The following MAP3K15 variants were observed in gnomAD, a reference collection of about 807,000 sequenced individuals.
MAP3K15 encodes the protein MAPK/ERK kinase kinase 15.
In MAP3K15, 124 loss-of-function variants were observed where a neutral mutation model predicts 99.5. The observed-to-expected ratio is 1.25, with a 90% CI of 1.08 to 1.45. MAP3K15 has a LOEUF of 1.45. Ranked by LOEUF, MAP3K15 falls within the 40% of genes most tolerant of loss-of-function variation. The probability of loss-of-function intolerance (pLI) is 0.00; values close to 1 mark genes in which losing one functional copy is unlikely to be tolerated. For missense variants in MAP3K15, 1,242 were observed against 1,079.7 expected (o/e 1.15, Z -2.11); for synonymous variants, 494 against 439.6 (o/e 1.12, Z -1.55).
At chrX:19,421,558 T>C (rs2063785167) in intron 9 of MAP3K15, among the ~76,000 whole-genome samples, 1 of 110,543 alleles carries the variant, frequency 9.0e-6, no homozygotes, top group Admixed American at 9.6e-5. Flanking sequence ...GAACTTTCCA[T>C]GCTCCTGGGT....
intron 6 of MAP3K15, among the ~76,000 whole-genome samples, chrX:19,432,191 T>C (rs1351244034): frequency 1.8e-5 from 2 of 110,325 alleles, no homozygotes; most frequent in Admixed American, 9.8e-5. Context: ...AGGAAACCTA[T>C]ATAATAAAAA....
At position 19,443,372 on chromosome X, in the gene MAP3K15, G is replaced by A. The variant is rs755519331; in HGVS notation, c.996-11764C>T. Reference sequence around the variant, plus strand: ...TTTACTGAGTGCCTACTCTGTGGGTGGCACAATGTTACTAGGCACTGGCTA... The same window carrying A: ...TTTACTGAGTGCCTACTCTGTGGGTAGCACAATGTTACTAGGCACTGGCTA... On this transcript the variant is annotated intron_variant, in intron 6 of 28. Transcript: ENST00000338883. 4.9e-4 allele frequency among the ~76,000 whole-genome samples: 55 copies of A among 111,506 alleles called. 1 individual carries two copies. Among genetic ancestry groups the A allele is most frequent in the Non-Finnish European group, 8.7e-4 (46 of 53,112 alleles).
Position 19,385,812 on chromosome X carries a change from G to GA in MAP3K15, c.2432-5536dup, listed in dbSNP as rs754905425. Among the ~76,000 whole-genome samples the GA allele has an allele frequency of 6.0e-3, 657 of 109,110 alleles. 3 individuals carry two copies. The highest frequency in any genetic ancestry group is 0.02 in the African/African-American group (613 of 29,967). The allele number at this position is 109,110 out of a possible 115,157, so 94.7% of individuals were successfully genotyped here. A position where few individuals can be genotyped will look rare whatever the true frequency, so the allele number is the denominator to read the frequency against. The stretch of plus-strand genomic sequence containing the variant: ...ACTACATCAAGAAGAAGCGCTGCTG[G>GA]AAAAAAAAAGCTGCCTGAATAAGAG... On this transcript the variant is annotated intron_variant, in intron 18 of 28. Transcript: ENST00000338883.
At chrX:19,431,743 C>A in intron 6 of MAP3K15, 135 bp from the exon 7 acceptor site, 1 of 439,450 alleles carries the variant, frequency 2.3e-6, no homozygotes, top group Non-Finnish European at 3.7e-6. Flanking sequence ...GTCAGGAGTT[C>A]AACACCAGCC....
intron 9 of MAP3K15, among the ~76,000 whole-genome samples, chrX:19,417,586 T>C (rs750046201): frequency 5.4e-4 from 60 of 111,963 alleles, no homozygotes; most frequent in African/African-American, 1.7e-3. Flanking sequence ...CAAGGAGGCC[T>C]GCCTGCCTCT....
At chrX:19,377,826 G>A (rs1017827442) in intron 19 of MAP3K15, among the ~76,000 whole-genome samples, 1 of 112,406 alleles carries the variant, frequency 8.9e-6, no homozygotes, top group African/African-American at 3.2e-5. Flanking sequence ...TCAAAGTGCT[G>A]AGGACGGTCA....
intron 1 of MAP3K15, among the ~76,000 whole-genome samples, chrX:19,505,434 T>C (rs2064469818): frequency 1.8e-5 from 2 of 112,285 alleles, no homozygotes; most frequent in Admixed American, 9.5e-5. Context: ...AGCTTCTCTC[T>C]TGCACATGCA....
chrX:19,410,184 A>G (rs1034427476), intron 11 of MAP3K15, among the ~76,000 whole-genome samples: 2 of 112,448 alleles, frequency 1.8e-5, no homozygotes, highest in Non-Finnish European at 3.7e-5. Flanking sequence ...TCCAGTTTAA[A>G]TGATGTAAAT....
chrX:19,435,057 A>C (rs1185830848), intron 6 of MAP3K15, among the ~76,000 whole-genome samples: 1 of 111,916 alleles, frequency 8.9e-6, no homozygotes, highest in Non-Finnish European at 1.9e-5. Context: ...ACAGATACCA[A>C]CTCAAATTTA....
intron 16 of MAP3K15, among the ~76,000 whole-genome samples, chrX:19,393,789 T>TTTTC (rs2063546024): frequency 1.1e-5 from 1 of 87,479 alleles, no homozygotes; most frequent in African/African-American, 5.2e-5. Context: ...TTTTTTTTTT[T>TTTTC]GAAGACGGAG....
chrX:19,414,802 A>G (rs1364537519), intron 10 of MAP3K15, among the ~76,000 whole-genome samples: 5 of 111,710 alleles, frequency 4.5e-5, no homozygotes, highest in African/African-American at 1.6e-4. Context: ...GTCTCTATCC[A>G]GCAGATGCCA....
At chrX:19,443,610 C>T (rs1165880809) in intron 6 of MAP3K15, among the ~76,000 whole-genome samples, 1 of 112,017 alleles carries the variant, frequency 8.9e-6, no homozygotes, top group East Asian at 2.8e-4. Context: ...TGAAACTAGA[C>T]CCTGAAGGAT....
intron 6 of MAP3K15, among the ~76,000 whole-genome samples, chrX:19,447,300 C>T (rs2064005292): frequency 9.0e-6 from 1 of 111,703 alleles, no homozygotes; most frequent in African/African-American, 3.2e-5. Context: ...GGATAGAATA[C>T]AGGCTGCCTA....
At chrX:19,507,602 A>AAAAAAAAAAAG (rs2064487253) in intron 1 of MAP3K15, among the ~76,000 whole-genome samples, 1 of 103,722 alleles carries the variant, frequency 9.6e-6, no homozygotes, top group African/African-American at 3.5e-5. Context: ...AAAAAAAAAA[A>AAAAAAAAAAAG]AAAAAAAAGA....
chrX:19,448,537 T>G (rs1264120062), intron 6 of MAP3K15, among the ~76,000 whole-genome samples: 1 of 107,935 alleles, frequency 9.3e-6, no homozygotes, highest in African/African-American at 3.4e-5. Context: ...AAAAAATACC[T>G]TAAACCACTG....
intron 3 of MAP3K15, among the ~76,000 whole-genome samples, chrX:19,476,070 T>C (rs1395977007): frequency 8.9e-6 from 1 of 112,308 alleles, no homozygotes. Flanking sequence ...GCAGCAAATA[T>C]GATATGTCTG....
intron 6 of MAP3K15, among the ~76,000 whole-genome samples, chrX:19,446,525 T>C (rs909690009): frequency 8.9e-6 from 1 of 111,885 alleles, no homozygotes. Context: ...CTCATGTCAG[T>C]CCAGTTTACA....
At chrX:19,399,435 G>A (rs1035115963) in intron 14 of MAP3K15, among the ~76,000 whole-genome samples, 1 of 111,522 alleles carries the variant, frequency 9.0e-6, no homozygotes, top group African/African-American at 3.3e-5. Context: ...GTGGTGGCAC[G>A]TGCCTGTGGT....
intron 5 of MAP3K15, among the ~76,000 whole-genome samples, chrX:19,459,373 C>T (rs1684624540): frequency 8.9e-6 from 1 of 112,222 alleles, no homozygotes; most frequent in South Asian, 3.7e-4. Flanking sequence ...GGTACAATGC[C>T]TAGTGTAAAG....
Sources: allele counts gnomAD v4.1 joint callset (sites outside exome capture counted in the v4.1 genomes callset), GRCh38; gene constraint gnomAD v4.1.1; transcripts MANE v1.5; gene names NCBI Gene and HGNC (gene_info 2026-07-23, HGNC 2026-07-21).